Variants in CTBP2 observed in about 807,000 individuals in gnomAD.
CTBP2 encodes C-terminal binding protein 2.
CTBP2 carries 30 observed loss-of-function variants against 80.3 expected under a neutral mutation model. The ratio of observed to expected loss-of-function variants is 0.37; its 90% CI spans 0.28 to 0.51. CTBP2 has a LOEUF of 0.51. CTBP2 is among the 20% of genes least tolerant of loss of function. The probability of loss-of-function intolerance (pLI) is 0.93; values close to 1 mark genes in which losing one functional copy is unlikely to be tolerated. For synonymous variants in CTBP2, 594 were observed against 587.4 expected (o/e 1.01, Z -0.16); for missense variants, 1,212 against 1,375.3 (o/e 0.88, Z 1.88).
At chr10:125,125,377 T>C (rs1165574831) in intron 1 of CTBP2, among the ~76,000 whole-genome samples, 1 of 152,222 alleles carries the variant, frequency 6.6e-6, no homozygotes, top group Non-Finnish European at 1.5e-5. Flanking sequence ...AAGCCTTATA[T>C]TTCAGCCCTC....
At position 125,063,313 on chromosome 10, in the gene CTBP2, C is replaced by T. The variant is rs147855855; in HGVS notation, c.-101-24158G>A. Among the ~76,000 whole-genome samples, 209 of 152,258 alleles carry T rather than the reference C, an allele frequency of 1.4e-3. 1 individual carries two copies. Among genetic ancestry groups the T allele is most frequent in the Admixed American group, 2.4e-3 (36 of 15,300 alleles). ...GGAAAAACATCATACTTAAGAAATACGGAGAATTTATTTCTCCGCAAGCCA... is the reference window on the plus strand; with the variant it reads ...GGAAAAACATCATACTTAAGAAATATGGAGAATTTATTTCTCCGCAAGCCA... On this transcript the variant is annotated intron_variant, in intron 2 of 10. Transcript: ENST00000337195.
intron 2 of CTBP2, among the ~76,000 whole-genome samples, chr10:125,048,583 T>TG (rs1318405566): frequency 6.6e-6 from 1 of 152,074 alleles, no homozygotes; most frequent in Non-Finnish European, 1.5e-5. Flanking sequence ...GCGGAGTGAC[T>TG]GGAGGTACAG....
chr10:125,024,596 G>T (rs751839227), intron 1 of CTBP2, among the ~76,000 whole-genome samples: 1 of 152,322 alleles, frequency 6.6e-6, no homozygotes, highest in East Asian at 1.9e-4. Flanking sequence ...ACTTGGGTGA[G>T]GAGATAATCT....
At chr10:125,148,688 T>C (rs1182559581) in intron 1 of CTBP2, among the ~76,000 whole-genome samples, 2 of 152,080 alleles carry the variant, frequency 1.3e-5, no homozygotes, top group African/African-American at 4.8e-5. Flanking sequence ...ACCACAGGAG[T>C]GTCTTCCTTT....
chr10:125,061,167 A>AT (rs1388135674), intron 2 of CTBP2, among the ~76,000 whole-genome samples: 2 of 152,220 alleles, frequency 1.3e-5, no homozygotes, highest in Admixed American at 6.5e-5. Context: ...AGGCCCTGGC[A>AT]TTGTCTAGGA....
Position 125,051,926 on chromosome 10 carries a change from G to T in CTBP2, c.-101-12771C>A, listed in dbSNP as rs1451354540. ...ACAGGGGGAAGACGACGTGAAGATG[G>T]CATCTAAAAGCTACGGAGACAGGGC... On this transcript the variant is annotated intron_variant, in intron 2 of 10. Transcript: ENST00000337195. 2.0e-5 allele frequency among the ~76,000 whole-genome samples: 3 copies of T among 152,204 alleles called. 1 individual carries two copies. The South Asian group carries it at 6.2e-4, about 32-fold the overall frequency.
At chr10:125,089,899 C>T (rs1848517050) in intron 2 of CTBP2, among the ~76,000 whole-genome samples, 1 of 152,140 alleles carries the variant, frequency 6.6e-6, no homozygotes, top group Non-Finnish European at 1.5e-5. Context: ...TATGCCCCTC[C>T]CCTGGAAGTC....
chr10:125,058,513 C>T (rs939920324), intron 2 of CTBP2, among the ~76,000 whole-genome samples: 17 of 152,138 alleles, frequency 1.1e-4, no homozygotes, highest in Admixed American at 3.9e-4. Flanking sequence ...AAGCCACGGC[C>T]GGGCGCGGTG....
intron 1 of CTBP2, among the ~76,000 whole-genome samples, chr10:125,112,734 G>A (rs1852519684): frequency 6.6e-6 from 1 of 152,186 alleles, no homozygotes; most frequent in Non-Finnish European, 1.5e-5. Flanking sequence ...CCAACATTCT[G>A]CTTTGTAAAC....
intron 1 of CTBP2, among the ~76,000 whole-genome samples, chr10:125,024,897 C>T (rs979174547): frequency 1.3e-5 from 2 of 152,282 alleles, no homozygotes; most frequent in Non-Finnish European, 1.5e-5. Flanking sequence ...AGAATCTATA[C>T]GACAAAGCAG....
chr10:125,054,349 C>A (rs1412292948), intron 2 of CTBP2, among the ~76,000 whole-genome samples: 1 of 152,180 alleles, frequency 6.6e-6, no homozygotes, highest in Admixed American at 6.5e-5. Context: ...ATCTTCCCTG[C>A]CAACTTCCCT....
chr10:125,078,881 T>C (rs1192541670), intron 2 of CTBP2, among the ~76,000 whole-genome samples: 3 of 151,696 alleles, frequency 2.0e-5, no homozygotes, highest in African/African-American at 7.3e-5. Flanking sequence ...CTCGTGCTTG[T>C]AATCCCAGCA....
chr10:125,082,180 C>T (rs549780353), intron 2 of CTBP2, among the ~76,000 whole-genome samples: 2 of 152,358 alleles, frequency 1.3e-5, no homozygotes, highest in South Asian at 2.1e-4. Flanking sequence ...GCCCTCCTCC[C>T]CCCAGGCAGC....
At chr10:125,065,556 C>T (rs1485045210) in intron 2 of CTBP2, among the ~76,000 whole-genome samples, 2 of 152,110 alleles carry the variant, frequency 1.3e-5, no homozygotes, top group Admixed American at 6.6e-5. Flanking sequence ...CCACATCCTG[C>T]GCAGTCAGCT....
chr10:125,017,161 A>ACAACTT (rs1213921641), intron 1 of CTBP2, among the ~76,000 whole-genome samples: 1 of 152,250 alleles, frequency 6.6e-6, no homozygotes, highest in Non-Finnish European at 1.5e-5. Context: ...GAAGAGCTTA[A>ACAACTT]CAACTTCAAC....
At chr10:125,005,772 C>T (rs367689056) in intron 1 of CTBP2, 27 of 1,612,896 alleles carry the variant, frequency 1.7e-5, no homozygotes, top group African/African-American at 4.0e-5. Flanking sequence ...GAGGTCTGAG[C>T]GCACAACCCT....
At chr10:125,147,364 T>C (rs1301086530) in intron 1 of CTBP2, among the ~76,000 whole-genome samples, 1 of 152,164 alleles carries the variant, frequency 6.6e-6, no homozygotes, top group Non-Finnish European at 1.5e-5. Context: ...TTTTCTTCCT[T>C]CTCCAGGAAG....
chr10:125,007,427 A>G (rs1372487808), intron 1 of CTBP2, among the ~76,000 whole-genome samples: 1 of 152,260 alleles, frequency 6.6e-6, no homozygotes, highest in African/African-American at 2.4e-5. Context: ...TCAAAAACAA[A>G]GACAACACCA....
At chr10:125,034,023 C>A (rs73375155) in intron 3 of CTBP2, among the ~76,000 whole-genome samples, 11,358 of 152,174 alleles carry the variant, frequency 0.075, 545 homozygotes, top group African/African-American at 0.13. Flanking sequence ...ACATCCCTGG[C>A]CCCCCAAATA....
Sources: allele counts gnomAD v4.1 joint callset (sites outside exome capture counted in the v4.1 genomes callset), GRCh38; gene constraint gnomAD v4.1.1; transcripts MANE v1.5; gene names NCBI Gene and HGNC (gene_info 2026-07-23, HGNC 2026-07-21).